GNAT1: variants seen among roughly 807,000 people sequenced by gnomAD.
GNAT1 encodes guanine nucleotide-binding protein G(t) subunit alpha-1.
A neutral mutation model predicts 40.0 loss-of-function variants in GNAT1; 36 were observed. The observed-to-expected ratio is 0.90, with a 90% CI of 0.69 to 1.19. The LOEUF (loss-of-function observed/expected upper bound fraction) is 1.19, where lower values mean the gene tolerates loss of function less well. GNAT1 is among the 50% of genes most tolerant of loss of function. GNAT1 has a pLI of 0.00. For missense variants in GNAT1, 413 were observed against 480.6 expected, an observed-to-expected ratio of 0.86 and a Z score of 1.32; for synonymous variants, 195 against 192.9, an observed-to-expected ratio of 1.01 and a Z score of -0.09.
Position 50,194,009 on chromosome 3 carries a change from C to A in GNAT1, c.579-83C>A. 1 of 1,606,562 alleles carries A rather than the reference C, an allele frequency of 6.2e-7. No homozygotes were observed. The highest frequency in any genetic ancestry group is 1.3e-5 in the African/African-American group (1 of 74,918). On this transcript the variant is annotated intron_variant, in intron 5 of 8. Coordinates refer to ENST00000232461, the MANE Select transcript of GNAT1 (RefSeq NM_144499.3). This position sits in a 1 kb window ranked among gnomAD's most constrained non-coding sequence, Gnocchi z 6.1. ...CAGCAGAAAGGGTGGTAGTCCCGGC[C>A]GAGAGCTCCCCGACCAGCACAGGGC...
In GNAT1 at chr3:50,191,647, T is replaced by G; in HGVS notation, c.-79T>G. 9.4e-7 allele frequency: 1 copy of G among 1,062,430 alleles called. No individual in the cohort carries two copies. The highest frequency in any genetic ancestry group is 1.5e-6 in the Non-Finnish European group (1 of 679,608). The allele number at this position is 1,062,430 out of a possible 1,614,324, so 65.8% of individuals were successfully genotyped here. ...GTCCTCCTGGGGCCAGAAGGGTGCC[T>G]GGGAGGCCAGGTTCTGGGGATCCCC... On this transcript the variant is annotated 5_prime_UTR_variant, in exon 1 of 9. Coordinates refer to ENST00000232461, the MANE Select transcript of GNAT1 (RefSeq NM_144499.3).
Position 50,191,709 on chromosome 3 carries a change from C to CGCCTGCTG in GNAT1, c.-16_-9dup, listed in dbSNP as rs1559745354. ...GAACCACCTGCTCACTCTGTCCCTT[C>CGCCTGCTG]GCCTGCTGCTGGGACCATGGGGGCT... On this transcript the variant is annotated 5_prime_UTR_variant, in exon 1 of 9. Coordinates refer to ENST00000232461, the MANE Select transcript of GNAT1 (RefSeq NM_144499.3). 6.3e-7 allele frequency: 1 copy of CGCCTGCTG among 1,582,900 alleles called. No homozygotes were observed. The highest frequency in any genetic ancestry group is 1.7e-5 in the Admixed American group (1 of 59,988).
At position 50,196,729 on chromosome 3, in the gene GNAT1, G is replaced by A. The variant is rs1316563911; in HGVS notation, c.*1463G>A. On this transcript the variant is annotated 3_prime_UTR_variant, in exon 9 of 9. Coordinates refer to ENST00000232461, the MANE Select transcript of GNAT1 (RefSeq NM_144499.3). ...GAGGAGCTGTGGAAAATATTCACTG[G>A]GACAGTCTTGGATCAAGAGGGAGTT... Among the ~76,000 whole-genome samples, 2 of 152,120 alleles carry A rather than the reference G, an allele frequency of 1.3e-5. No homozygotes were observed. Among genetic ancestry groups the A allele is most frequent in the Non-Finnish European group, 1.5e-5 (1 of 68,016 alleles).
In GNAT1 at chr3:50,193,458, T is replaced by G. The variant is rs1029348900; in HGVS notation, c.292-48T>G. 6.2e-7 allele frequency: 1 copy of G among 1,608,200 alleles called. No individual in the cohort carries two copies. Among genetic ancestry groups the G allele is most frequent in the East Asian group, 2.2e-5 (1 of 44,536 alleles). On this transcript the variant is annotated intron_variant, in intron 3 of 8. Transcript: ENST00000232461. This position sits in a 1 kb window ranked among gnomAD's most constrained non-coding sequence, Gnocchi z 8.1. ...CCTCTGGGGACTCGAGGCTCGCGGC[T>G]GGGCCCGAGTCCCTGGCCGCCACCA... is the stretch of plus-strand genomic sequence containing the variant.
At chr3:50,192,505 C>T (rs978257278) in intron 1 of GNAT1, among the ~76,000 whole-genome samples, 8 of 152,226 alleles carry the variant, frequency 5.3e-5, no homozygotes, top group African/African-American at 1.9e-4. Context: ...AGGGGCTCCA[C>T]CCAAGCTCCC....
At position 50,193,211 on chromosome 3, in the gene GNAT1, T is replaced by TG. The variant is rs1553696205; in HGVS notation, c.149+39dup. ...CTGCCTGTCCCGAGGCCCCTGGGTC[T>TG]GGGTCCTTCCCCACTTCCCCACGAG... is the stretch of plus-strand genomic sequence containing the variant. On this transcript the variant is annotated intron_variant, in intron 2 of 8. Coordinates refer to ENST00000232461, the MANE Select transcript of GNAT1 (RefSeq NM_144499.3). This position sits in a 1 kb window ranked among gnomAD's most constrained non-coding sequence, Gnocchi z 8.1. The TG allele has an allele frequency of 6.2e-7, 1 of 1,613,980 alleles. No individual in the cohort carries two copies.
chr3:50,194,215 C>T lies in GNAT1; in HGVS notation c.702C>T (p.Asp234=). The T allele has an allele frequency of 2.5e-6, 4 of 1,606,868 alleles. No individual in the cohort carries two copies. The highest frequency in any genetic ancestry group is 3.4e-6 in the Non-Finnish European group (4 of 1,176,612). The change falls in exon 6 of 9, where the codon GAC becomes GAT. Residue 234 remains aspartate (D), a synonymous_variant. Transcript: ENST00000232461. This position sits in a 1 kb window ranked among gnomAD's most constrained non-coding sequence, Gnocchi z 6.1. ...ACGACATGGTGCTAGTGGAGGACGACGAAGTGGTGCGTGCCAGGCAGGGCC... is the reference window on the plus strand; with the variant it reads ...ACGACATGGTGCTAGTGGAGGACGATGAAGTGGTGCGTGCCAGGCAGGGCC... ...SAYDMVLVED[D]EVNRMHESLH...
Position 50,195,884 on chromosome 3 carries a change from C to T in GNAT1, c.*618C>T, listed in dbSNP as rs13064381. On this transcript the variant is annotated 3_prime_UTR_variant, in exon 9 of 9. Transcript: ENST00000232461. ...GTGGGGAGGGGGCAGACCTGGGGGC[C>T]CTTGGGTGCCAGAGTGAGACACAGC... 47,044 of 152,724 alleles carry T rather than the reference C, an allele frequency of 0.31. 7,769 individuals carry two copies. Among genetic ancestry groups the T allele is most frequent in the Middle Eastern group, 0.39 (115 of 296 alleles). The allele number at this position is 152,724 out of a possible 1,614,324, so 9.5% of individuals were successfully genotyped here. A position where few individuals can be genotyped will look rare whatever the true frequency, so the allele number is the denominator to read the frequency against.
rs749830563 is a variant in GNAT1, at chr3:50,193,700, G to A, written c.449+37G>A. On this transcript the variant is annotated intron_variant, in intron 4 of 8. Transcript: ENST00000232461. The surrounding 1 kb of genome is among the most constrained non-coding windows in gnomAD (Gnocchi z 8.1). ...GGCAGCGCGGGGCGCGGGGCGCGGG[G>A]CGCAGGGGGCCCTCCACGCCTCCCC... 6.2e-7 allele frequency: 1 copy of A among 1,601,006 alleles called. No individual in the cohort carries two copies. The highest frequency in any genetic ancestry group is 1.1e-5 in the South Asian group (1 of 90,352).
chr3:50,196,884 C>A lies in GNAT1; in HGVS notation c.*1618C>A, dbSNP rs571313353. The stretch of plus-strand genomic sequence containing the variant: ...ACGTGGACAGGTGCCCAAAGCCAGT[C>A]GGAGGGCCTGGGCTTTCTCAGAAGG... On this transcript the variant is annotated 3_prime_UTR_variant, in exon 9 of 9. Transcript: ENST00000232461. Among the ~76,000 whole-genome samples, 2 of 152,118 alleles carry A rather than the reference C, an allele frequency of 1.3e-5. No homozygotes were observed. The highest frequency in any genetic ancestry group is 2.4e-5 in the African/African-American group (1 of 41,496).
At position 50,193,470 on chromosome 3, in the gene GNAT1, C is replaced by T. The variant is rs1337007353; in HGVS notation, c.292-36C>T. On this transcript the variant is annotated intron_variant, in intron 3 of 8. Transcript: ENST00000232461. The surrounding 1 kb of genome is among the most constrained non-coding windows in gnomAD (Gnocchi z 8.1). ...CGAGGCTCGCGGCTGGGCCCGAGTC[C>T]CTGGCCGCCACCAGCCACTCTCACC... 1.2e-6 allele frequency: 2 copies of T among 1,606,358 alleles called. No homozygotes were observed. Among genetic ancestry groups the T allele is most frequent in the Non-Finnish European group, 1.7e-6 (2 of 1,177,708 alleles).
At position 50,197,117 on chromosome 3, in the gene GNAT1, G is replaced by T. The variant is rs1699514419; in HGVS notation, c.*1851G>T. ...ATGAATGAAATATCAAAATCCAACA[G>T]AGGATCAAACAGAGGCATGCTAAGA... is the stretch of plus-strand genomic sequence containing the variant. On this transcript the variant is annotated 3_prime_UTR_variant, in exon 9 of 9. Transcript: ENST00000232461. Among the ~76,000 whole-genome samples the T allele has an allele frequency of 1.3e-5, 2 of 152,182 alleles. No individual in the cohort carries two copies. The highest frequency in any genetic ancestry group is 4.8e-5 in the African/African-American group (2 of 41,438).
In GNAT1 at chr3:50,191,702, G is replaced by A. The variant is rs572770943; in HGVS notation, c.-24G>A. ...TCCAGAAGAACCACCTGCTCACTCT[G>A]TCCCTTCGCCTGCTGCTGGGACCAT... On this transcript the variant is annotated 5_prime_UTR_variant, in exon 1 of 9. Transcript: ENST00000232461. 4 of 1,552,416 alleles carry A rather than the reference G, an allele frequency of 2.6e-6. No individual in the cohort carries two copies. The South Asian group carries it at 3.3e-5, about 13-fold the overall frequency.
In GNAT1 at chr3:50,191,720, G is replaced by A. The variant is rs950765436; in HGVS notation, c.-6G>A. On this transcript the variant is annotated 5_prime_UTR_variant, in exon 1 of 9. Coordinates refer to ENST00000232461, the MANE Select transcript of GNAT1 (RefSeq NM_144499.3). ...TCACTCTGTCCCTTCGCCTGCTGCT[G>A]GGACCATGGGGGCTGGGGCCAGTGC... 7 of 1,605,458 alleles carry A rather than the reference G, an allele frequency of 4.4e-6. No homozygotes were observed. Among genetic ancestry groups the A allele is most frequent in the African/African-American group, 4.0e-5 (3 of 74,736 alleles).
rs1699492163 is a variant in GNAT1 at position 50,195,694 on chromosome 3, G to T, written c.*428G>T. ...CCCTCCCAGTATTTCATCAAGGACA[G>T]GGAATATCCCTCCCACACACAGGCC... On this transcript the variant is annotated 3_prime_UTR_variant, in exon 9 of 9. Transcript: ENST00000232461. 6.5e-6 allele frequency: 1 copy of T among 154,278 alleles called. No individual in the cohort carries two copies. Among genetic ancestry groups the T allele is most frequent in the East Asian group, 1.9e-4 (1 of 5,212 alleles). 9.6% of individuals were successfully genotyped at this position (154,278 alleles called of 1,614,324 possible).
In GNAT1 at chr3:50,194,200, G is replaced by C. The variant is rs756335913; in HGVS notation, c.687G>C (p.Val229=). ...FIAALSAYDM[V]LVEDDEVNRM... is the part of the protein sequence containing the mutation. ...CGGCGCTGAGCGCCTACGACATGGTGCTAGTGGAGGACGACGAAGTGGTGC... is the reference window on the plus strand; with the variant it reads ...CGGCGCTGAGCGCCTACGACATGGTCCTAGTGGAGGACGACGAAGTGGTGC... The change falls in exon 6 of 9, where the codon GTG becomes GTC. Residue 229 remains valine (V), a synonymous_variant. Coordinates refer to ENST00000232461, the MANE Select transcript of GNAT1 (RefSeq NM_144499.3). This position sits in a 1 kb window ranked among gnomAD's most constrained non-coding sequence, Gnocchi z 6.1. 2 of 1,611,176 alleles carry C rather than the reference G, an allele frequency of 1.2e-6. No individual in the cohort carries two copies. Among genetic ancestry groups the C allele is most frequent in the African/African-American group, 2.7e-5 (2 of 74,876 alleles).
In GNAT1 at chr3:50,194,020, C is replaced by G. The variant is rs1322555352; in HGVS notation, c.579-72C>G. 1 of 1,608,914 alleles carries G rather than the reference C, an allele frequency of 6.2e-7. No homozygotes were observed. The highest frequency in any genetic ancestry group is 1.1e-5 in the South Asian group (1 of 90,942). ...GTGGTAGTCCCGGCCGAGAGCTCCC[C>G]GACCAGCACAGGGCGAAGGGATGTT... On this transcript the variant is annotated intron_variant, in intron 5 of 8. Transcript: ENST00000232461. This position sits in a 1 kb window ranked among gnomAD's most constrained non-coding sequence, Gnocchi z 6.1.
At chr3:50,192,969 TA>T (rs1479648949) in intron 1 of GNAT1, 163 bp from the exon 2 acceptor site, 1 of 680,734 alleles carries the variant, frequency 1.5e-6, no homozygotes, top group Non-Finnish European at 2.6e-6. Flanking sequence ...TGTCAGGACT[TA>T]ATTTGGATGG....
chr3:50,193,556 G>C lies in GNAT1; in HGVS notation c.342G>C (p.Thr114=), dbSNP rs1699448261. ...MHMADTIEEG[T]MPKEMSDIIQ... is the part of the protein sequence containing the mutation. The stretch of plus-strand genomic sequence containing the variant: ...TGGCAGACACTATCGAGGAGGGCAC[G>C]ATGCCCAAGGAGATGTCGGACATCA... Residue 114 remains threonine, a synonymous_variant, in exon 4 of 9, where the codon ACG becomes ACC. Coordinates refer to ENST00000232461, the MANE Select transcript of GNAT1 (RefSeq NM_144499.3). The surrounding 1 kb of genome is among the most constrained non-coding windows in gnomAD (Gnocchi z 8.1). 1.2e-6 allele frequency: 2 copies of C among 1,613,160 alleles called. No individual in the cohort carries two copies. Among genetic ancestry groups the C allele is most frequent in the African/African-American group, 2.7e-5 (2 of 74,924 alleles).
Sources: gnomAD v4.1 joint callset for allele counts (sites outside exome capture counted in the v4.1 genomes callset) on GRCh38, gnomAD v4.1.1 for gene constraint, Gnocchi (gnomAD v3.1) non-coding constraint, MANE v1.5 for transcripts, NCBI Gene and HGNC (gene_info 2026-07-23, HGNC 2026-07-21) for gene names.